Variants in CAVIN1 observed in about 807,000 individuals in gnomAD.
CAVIN1 encodes caveolae associated protein 1.
Under a neutral mutation model 24.0 loss-of-function variants are expected in CAVIN1, and 16 were observed. That is an observed-to-expected ratio of 0.67 (90% confidence interval 0.45 to 1.01). The LOEUF (loss-of-function observed/expected upper bound fraction) is 1.01, where lower values mean the gene tolerates loss of function less well. Among genes scored for constraint, CAVIN1 ranks in the 50% least tolerant of loss-of-function variants. The pLI is 0.00. For synonymous variants in CAVIN1, 256 were observed against 256.4 expected, an observed-to-expected ratio of 1.00 and a Z score of 0.02; for missense variants, 510 against 551.7, an observed-to-expected ratio of 0.92 and a Z score of 0.76.
intron 1 of CAVIN1, 79 bp downstream of exon 1, chr17:42,422,548 G>T: frequency 8.5e-7 from 1 of 1,175,348 alleles, no homozygotes; most frequent in Non-Finnish European, 1.2e-6. Context: ...CCACGGGCAG[G>T]TCTCCCCACC....
At chr17:42,406,572 T>A (rs552141021) in intron 1 of CAVIN1, among the ~76,000 whole-genome samples, 1 of 152,226 alleles carries the variant, frequency 6.6e-6, no homozygotes, top group South Asian at 2.1e-4. Context: ...ACTCGGGGTT[T>A]CACCATGTTG....
At chr17:42,411,192 C>CAAAAA (rs71157624) in intron 1 of CAVIN1, among the ~76,000 whole-genome samples, 3 of 46,640 alleles carry the variant, frequency 6.4e-5, no homozygotes, top group Non-Finnish European at 1.1e-4. Flanking sequence ...GACTATGTCT[C>CAAAAA]AAAAAAAAAA....
chr17:42,409,891 A>T (rs1313578640), intron 1 of CAVIN1, among the ~76,000 whole-genome samples: 4 of 152,056 alleles, frequency 2.6e-5, no homozygotes, highest in Admixed American at 6.6e-5. Flanking sequence ...ACCACTCCCA[A>T]TAGGCTTGGT....
At chr17:42,407,296 G>C (rs779022163) in intron 1 of CAVIN1, among the ~76,000 whole-genome samples, 1 of 152,046 alleles carries the variant, frequency 6.6e-6, no homozygotes, top group Non-Finnish European at 1.5e-5. Flanking sequence ...CTTTTCTAAA[G>C]GGTTTTCTGA....
chr17:42,411,865 G>A (rs1430880606), intron 1 of CAVIN1: 1 of 985,282 alleles, frequency 1.0e-6, no homozygotes, highest in East Asian at 1.1e-4. Context: ...CATCCCCACT[G>A]TATACATCCC....
rs75155493 is a variant in CAVIN1 at position 42,404,324 on chromosome 17, G to A, written c.*363C>T. On this transcript the variant is annotated 3_prime_UTR_variant, in exon 2 of 2. Coordinates refer to ENST00000357037, the MANE Select transcript of CAVIN1 (RefSeq NM_012232.6). ...GAGAATGAAGAAGAGCTCAGTGAGC[G>A]GAATGACAGCAGCTGGGTGGGTGGT... 7.8e-3 allele frequency: 1,488 copies of A among 189,618 alleles called. 28 individuals are homozygous for A. The highest frequency in any genetic ancestry group is 0.033 in the African/African-American group (1,400 of 42,582). 11.7% of individuals were successfully genotyped at this position (189,618 alleles called of 1,614,324 possible).
intron 1 of CAVIN1, among the ~76,000 whole-genome samples, chr17:42,419,007 CTAAG>C (rs1376686130): frequency 6.6e-6 from 1 of 152,056 alleles, no homozygotes; most frequent in Non-Finnish European, 1.5e-5. Flanking sequence ...GCCTGGGCAA[CTAAG>C]TGAGACCCCG....
At chr17:42,418,754 A>G (rs11871801) in intron 1 of CAVIN1, among the ~76,000 whole-genome samples, 1 of 152,050 alleles carries the variant, frequency 6.6e-6, no homozygotes, top group Non-Finnish European at 1.5e-5. Context: ...GAAATGATAA[A>G]TGCTTGATAT....
chr17:42,407,161 C>T (rs1463010351), intron 1 of CAVIN1, among the ~76,000 whole-genome samples: 2 of 152,096 alleles, frequency 1.3e-5, no homozygotes, highest in African/African-American at 2.4e-5. Context: ...CCCCCACCTC[C>T]ACCCTCATCA....
chr17:42,415,067 G>A (rs1253677956), intron 1 of CAVIN1, among the ~76,000 whole-genome samples: 1 of 151,808 alleles, frequency 6.6e-6, no homozygotes, highest in Non-Finnish European at 1.5e-5. Flanking sequence ...GGCCACCAAT[G>A]CTGGCCACTC....
At chr17:42,411,116 C>T (rs554215971) in intron 1 of CAVIN1, among the ~76,000 whole-genome samples, 2 of 133,666 alleles carry the variant, frequency 1.5e-5, no homozygotes, top group South Asian at 2.5e-4. Flanking sequence ...TCACTTGAAC[C>T]GAGGAGGTGG....
intron 1 of CAVIN1, among the ~76,000 whole-genome samples, chr17:42,412,868 C>T (rs1166451455): frequency 1.3e-5 from 2 of 150,800 alleles, no homozygotes; most frequent in Admixed American, 1.3e-4. Context: ...CCTCTTGTCT[C>T]GGTCTCCCAA....
chr17:42,405,557 G>A (rs781743610), intron 1 of CAVIN1, among the ~76,000 whole-genome samples, 169 bp from the exon 2 acceptor site: 7 of 152,084 alleles, frequency 4.6e-5, no homozygotes, highest in Non-Finnish European at 1.0e-4. Flanking sequence ...TGTAATATTA[G>A]CGCTGTGGGA....
Position 42,404,863 on chromosome 17 carries a change from C to A in CAVIN1, c.997G>T (p.Val333Leu). ...ATCTCGGTGGCCTTGAGCACTTCCA[C>A]CTGGCCCTCGCGGATCTTCTTGACG... ...FHVKKIREGQ[V>L]EVLKATEMVE... is the part of the protein sequence containing the mutation. The change falls in exon 2 of 2, where the codon GTG becomes TTG. Residue 333 changes from valine (V) to leucine (L), a missense_variant. By Grantham distance (32) the Val-to-Leu change is conservative. Coordinates refer to ENST00000357037, the MANE Select transcript of CAVIN1 (RefSeq NM_012232.6). The A allele has an allele frequency of 6.2e-7, 1 of 1,613,514 alleles. No homozygotes were observed. The highest frequency in any genetic ancestry group is 8.5e-7 in the Non-Finnish European group (1 of 1,179,756).
At chr17:42,412,774 C>T (rs7217904) in intron 1 of CAVIN1, among the ~76,000 whole-genome samples, 10,587 of 150,130 alleles carry the variant, frequency 0.071, 648 homozygotes, top group African/African-American at 0.16. Context: ...CATGCTACCA[C>T]GCCCAGCTAA....
intron 1 of CAVIN1, among the ~76,000 whole-genome samples, 184 bp from the exon 2 acceptor site, chr17:42,405,572 G>C (rs948579013): frequency 1.3e-5 from 2 of 152,048 alleles, no homozygotes; most frequent in Non-Finnish European, 2.9e-5. Context: ...GTGGGAGACC[G>C]AGGCAGGAGG....
At chr17:42,421,418 T>A (rs1185887313) in intron 1 of CAVIN1, among the ~76,000 whole-genome samples, 1 of 152,058 alleles carries the variant, frequency 6.6e-6, no homozygotes, top group Non-Finnish European at 1.5e-5. Context: ...TCCCTTTCTT[T>A]CCATTCCCTT....
At chr17:42,406,848 A>T (rs753021674) in intron 1 of CAVIN1, among the ~76,000 whole-genome samples, 4 of 152,010 alleles carry the variant, frequency 2.6e-5, no homozygotes, top group Non-Finnish European at 5.9e-5. Context: ...GGAGCCACGG[A>T]CATGTTTTCT....
At chr17:42,405,693 T>TTTTG (rs1555586068) in intron 1 of CAVIN1, among the ~76,000 whole-genome samples, 1,958 of 60,796 alleles carry the variant, frequency 0.032, 33 homozygotes, top group Middle Eastern at 0.057. Context: ...TTTTTTTTTT[T>TTTTG]TTTTTTTTTT....
Sources: gnomAD v4.1 joint callset for allele counts (sites outside exome capture counted in the v4.1 genomes callset) on GRCh38, gnomAD v4.1.1 for gene constraint, MANE v1.5 for transcripts, NCBI Gene and HGNC (gene_info 2026-07-23, HGNC 2026-07-21) for gene names.